TMEM243: variants seen among roughly 807,000 people sequenced by gnomAD.
TMEM243 encodes transmembrane protein 243.
In TMEM243, 20 loss-of-function variants were observed where a neutral mutation model predicts 15.0. The ratio of observed to expected loss-of-function variants is 1.33; its 90% CI spans 0.94 to 1.93. The LOEUF (loss-of-function observed/expected upper bound fraction) is 1.93. TMEM243 is among the 30% of genes most tolerant of loss of function. The pLI, the probability that TMEM243 is intolerant of heterozygous loss-of-function variation, is 0.00. For synonymous variants in TMEM243, 72 were observed against 52.7 expected (o/e 1.37, Z -1.59); for missense variants, 156 against 142.1 (o/e 1.10, Z -0.50).
chr7:87,200,108 A>T (rs1440777972), intron 1 of TMEM243, among the ~76,000 whole-genome samples: 2 of 152,174 alleles, frequency 1.3e-5, no homozygotes, highest in African/African-American at 4.8e-5. Flanking sequence ...ATAAGAACCC[A>T]CAGAAGTTAA....
At chr7:87,198,792 A>G (rs1232474126) in intron 2 of TMEM243, 5 of 474,390 alleles carry the variant, frequency 1.1e-5, no homozygotes, top group South Asian at 7.4e-5. Flanking sequence ...GGTAAACTCA[A>G]TTATCTTAAA....
At chr7:87,209,830 G>A (rs1481616863) in intron 1 of TMEM243, among the ~76,000 whole-genome samples, 6 of 139,062 alleles carry the variant, frequency 4.3e-5, no homozygotes, top group African/African-American at 1.5e-4. Context: ...GCGAGAGACA[G>A]TGAGAGAGAG....
chr7:87,217,517 G>T (rs1373337659), intron 1 of TMEM243, among the ~76,000 whole-genome samples: 1 of 152,100 alleles, frequency 6.6e-6, no homozygotes, highest in Non-Finnish European at 1.5e-5. Context: ...TCTCAGATGT[G>T]GCATCTCCAT....
chr7:87,215,142 T>C (rs1227440059), intron 1 of TMEM243, among the ~76,000 whole-genome samples: 1 of 152,188 alleles, frequency 6.6e-6, no homozygotes, highest in Non-Finnish European at 1.5e-5. Flanking sequence ...AAAGACTTCA[T>C]ACAAAAAAAT....
chr7:87,199,764 C>T (rs765901679), intron 1 of TMEM243, among the ~76,000 whole-genome samples: 3 of 152,086 alleles, frequency 2.0e-5, no homozygotes, highest in Non-Finnish European at 4.4e-5. Context: ...TAAATTTAGG[C>T]CCAGTGTGGT....
intron 1 of TMEM243, among the ~76,000 whole-genome samples, chr7:87,216,133 G>A (rs1803100821): frequency 6.6e-6 from 1 of 152,128 alleles, no homozygotes. Context: ...AATTAGCCAG[G>A]TGTGGTGGTG....
chr7:87,209,853 A>C (rs57148980), intron 1 of TMEM243, among the ~76,000 whole-genome samples: 102,731 of 124,160 alleles, frequency 0.83, 42,677 homozygotes, highest in Middle Eastern at 0.96. Context: ...AGTGAGAGCG[A>C]GAGAGAGAGA....
In TMEM243 at chr7:87,198,484, A is replaced by C. The variant is rs144698368; in HGVS notation, c.130-439T>G. 111 of 167,666 alleles carry C rather than the reference A, an allele frequency of 6.6e-4. 2 individuals carry two copies. In the East Asian group the frequency reaches 0.016, roughly 24 times the overall value. The allele number at this position is 167,666 out of a possible 1,614,324, so 10.4% of individuals were successfully genotyped here. A position where few individuals can be genotyped will look rare whatever the true frequency, so the allele number is the denominator to read the frequency against. ...TTCTAACAGATGCAGCATTATATGC[A>C]ATCTTTTCATTAAGAAGCCATGGAA... On this transcript the variant is annotated intron_variant, in intron 2 of 3. Coordinates refer to ENST00000257637, the MANE Select transcript of TMEM243 (RefSeq NM_024315.4).
At chr7:87,215,800 CTA>C (rs1239230261) in intron 1 of TMEM243, among the ~76,000 whole-genome samples, 1 of 152,142 alleles carries the variant, frequency 6.6e-6, no homozygotes, top group Non-Finnish European at 1.5e-5. Flanking sequence ...GGAATGAGGT[CTA>C]TGTTTCTTAC....
chr7:87,198,294 A>G (rs1398243548), intron 2 of TMEM243: 1 of 365,776 alleles, frequency 2.7e-6, no homozygotes, highest in Non-Finnish European at 4.9e-6. Context: ...ATGCCAAAAT[A>G]ACTTCATTAA....
At chr7:87,218,261 G>T (rs1305292387) in intron 1 of TMEM243, among the ~76,000 whole-genome samples, 5 of 152,232 alleles carry the variant, frequency 3.3e-5, no homozygotes, top group Non-Finnish European at 5.9e-5. Flanking sequence ...CTCAAACCAG[G>T]AGCACTGTGG....
chr7:87,213,176 C>G (rs963770011), intron 1 of TMEM243, among the ~76,000 whole-genome samples: 1 of 152,220 alleles, frequency 6.6e-6, no homozygotes, highest in African/African-American at 2.4e-5. Flanking sequence ...CAGTGCATCT[C>G]AACCCTTCCT....
Position 87,219,410 on chromosome 7 carries a change from C to G in TMEM243, c.78+16G>C, listed in dbSNP as rs756257249. ...CACACCCCCCATCCCAGTCTGGAGT[C>G]ACAATCCGCACTCACCTTGGCGGAC... On this transcript the variant is annotated intron_variant, in intron 1 of 3. Transcript: ENST00000257637. 1.7e-5 allele frequency: 28 copies of G among 1,613,680 alleles called. No homozygotes were observed. Among genetic ancestry groups the G allele is most frequent in the Non-Finnish European group, 2.4e-5 (28 of 1,179,548 alleles).
intron 1 of TMEM243, among the ~76,000 whole-genome samples, chr7:87,206,172 A>G (rs550245383): frequency 6.6e-6 from 1 of 152,290 alleles, no homozygotes; most frequent in South Asian, 2.1e-4. Context: ...CCATGATTCA[A>G]TTATCTCCCA....
intron 1 of TMEM243, among the ~76,000 whole-genome samples, chr7:87,212,585 CT>C (rs1181919773): frequency 1.3e-5 from 2 of 152,164 alleles, no homozygotes; most frequent in African/African-American, 4.8e-5. Context: ...CTACTGGCCT[CT>C]GCTACATACA....
rs201447298 is a variant in TMEM243 at position 87,209,597 on chromosome 7, TGA to T, written c.78+9827_78+9828del. On this transcript the variant is annotated intron_variant, in intron 1 of 3. Transcript: ENST00000257637. ...GACAGTGAGAGAGACAGTGAGACAG[TGA>T]GAGAGAGAGAGACAGAGAGAGAGAC... Among the ~76,000 whole-genome samples the T allele has an allele frequency of 6.9e-3, 670 of 97,418 alleles. 17 individuals carry two copies. The highest frequency in any genetic ancestry group is 0.019 in the African/African-American group (445 of 23,710). 63.9% of individuals were successfully genotyped at this position (97,418 alleles called of 152,430 possible).
intron 1 of TMEM243, among the ~76,000 whole-genome samples, chr7:87,205,729 C>T (rs1367287132): frequency 7.1e-6 from 1 of 141,174 alleles, no homozygotes; most frequent in Non-Finnish European, 1.6e-5. Flanking sequence ...CAAAACCAAT[C>T]AACAAGTCTC....
At chr7:87,203,593 C>T (rs1801982999) in intron 1 of TMEM243, among the ~76,000 whole-genome samples, 1 of 142,502 alleles carries the variant, frequency 7.0e-6, no homozygotes, top group South Asian at 2.2e-4. Flanking sequence ...CCAGCCTGGA[C>T]AGAATGAGAA....
intron 1 of TMEM243, among the ~76,000 whole-genome samples, chr7:87,214,694 AC>A (rs1388567889): frequency 6.6e-6 from 1 of 152,212 alleles, no homozygotes; most frequent in East Asian, 1.9e-4. Flanking sequence ...AATCACCATA[AC>A]ATTTCAGCTG....
Sources: allele counts gnomAD v4.1 joint callset (sites outside exome capture counted in the v4.1 genomes callset), GRCh38; gene constraint gnomAD v4.1.1; transcripts MANE v1.5; gene names NCBI Gene and HGNC (gene_info 2026-07-23, HGNC 2026-07-21).